LRP12: variants seen among roughly 807,000 people sequenced by gnomAD.
LRP12 encodes low-density lipoprotein receptor-related protein 12.
Under a neutral mutation model 66.0 loss-of-function variants are expected in LRP12, and 14 were observed. The observed-to-expected ratio is 0.21, with a 90% CI of 0.14 to 0.33. LRP12 has a LOEUF of 0.33. Ranked by LOEUF, LRP12 falls within the 10% of genes least tolerant of loss-of-function variation. The pLI is 1.00. For synonymous variants in LRP12, 357 were observed against 359.1 expected, an observed-to-expected ratio of 0.99 and a Z score of 0.07; for missense variants, 889 against 1,053.4, an observed-to-expected ratio of 0.84 and a Z score of 2.16.
In LRP12 at chr8:104,572,861, T is replaced by C. The variant is rs900254017; in HGVS notation, c.79+15958A>G. Among the ~76,000 whole-genome samples the C allele has an allele frequency of 7.2e-5, 11 of 152,142 alleles. 1 individual carries two copies. Among genetic ancestry groups the C allele is most frequent in the Non-Finnish European group, 1.6e-4 (11 of 68,026 alleles). On this transcript the variant is annotated intron_variant, in intron 1 of 6. Transcript: ENST00000276654. ...AAACCTTTAAAAAACATAATTTCTA[T>C]TTATCGTAGCTAGCCCCCTACTTAG...
intron 2 of LRP12, among the ~76,000 whole-genome samples, chr8:104,512,056 C>T (rs1251438982): frequency 6.6e-6 from 1 of 152,142 alleles, no homozygotes; most frequent in East Asian, 1.9e-4. Flanking sequence ...TTCCACTTTA[C>T]TCTGAGTTAT....
At chr8:104,499,830 T>C in intron 3 of LRP12, among the ~76,000 whole-genome samples, 1 of 152,184 alleles carries the variant, frequency 6.6e-6, no homozygotes, top group South Asian at 2.1e-4. Context: ...AAAGACCACT[T>C]CTAACTCAGA....
chr8:104,510,216 A>G (rs1347198938), intron 2 of LRP12, among the ~76,000 whole-genome samples: 2 of 152,208 alleles, frequency 1.3e-5, no homozygotes, highest in African/African-American at 4.8e-5. Context: ...CTGGATTGTA[A>G]TTTTTGTTAA....
intron 3 of LRP12, chr8:104,504,799 T>C (rs2140839127): frequency 6.6e-6 from 1 of 152,318 alleles, no homozygotes; most frequent in East Asian, 1.9e-4. Context: ...CAACTGTGGA[T>C]TGGTCAAATT....
At chr8:104,544,946 C>G (rs977446371) in intron 1 of LRP12, among the ~76,000 whole-genome samples, 1 of 152,166 alleles carries the variant, frequency 6.6e-6, no homozygotes, top group Non-Finnish European at 1.5e-5. Context: ...AGCGAGTCCT[C>G]TGATGGGATC....
chr8:104,552,614 T>C (rs1411030973), intron 1 of LRP12, among the ~76,000 whole-genome samples: 1 of 152,168 alleles, frequency 6.6e-6, no homozygotes, highest in Admixed American at 6.5e-5. Flanking sequence ...TAAAGTACTA[T>C]CTTCCAGTTA....
chr8:104,581,443 C>G (rs1034607686), intron 1 of LRP12, among the ~76,000 whole-genome samples: 1 of 151,614 alleles, frequency 6.6e-6, no homozygotes, highest in Non-Finnish European at 1.5e-5. Context: ...GTACAACAAA[C>G]CCCCATGTAA....
intron 2 of LRP12, among the ~76,000 whole-genome samples, chr8:104,516,603 G>C (rs748937728): frequency 2.6e-5 from 4 of 151,954 alleles, no homozygotes; most frequent in Non-Finnish European, 4.4e-5. Flanking sequence ...AAACACTGAA[G>C]ACTTCTTGTT....
chr8:104,557,359 T>A (rs1811826678), intron 1 of LRP12, among the ~76,000 whole-genome samples: 1 of 152,088 alleles, frequency 6.6e-6, no homozygotes, highest in African/African-American at 2.4e-5. Context: ...GCCAATGATA[T>A]AATCCCATAC....
rs74825708 is a variant in LRP12 at position 104,550,130 on chromosome 8, G to A, written c.80-18167C>T. Among the ~76,000 whole-genome samples, 462 of 152,082 alleles carry A rather than the reference G, an allele frequency of 3.0e-3. 4 individuals are homozygous for A. Among genetic ancestry groups the A allele is most frequent in the East Asian group, 0.02 (102 of 5,164 alleles). ...TTATACTGTGCCAGTCACTGTAGTC[G>A]GTACTTTTCATACATCATTACTAAT... is the stretch of plus-strand genomic sequence containing the variant. On this transcript the variant is annotated intron_variant, in intron 1 of 6. Coordinates refer to ENST00000276654, the MANE Select transcript of LRP12 (RefSeq NM_013437.5).
intron 1 of LRP12, among the ~76,000 whole-genome samples, chr8:104,564,398 G>T (rs1206340350): frequency 2.6e-5 from 4 of 152,096 alleles, no homozygotes; most frequent in Non-Finnish European, 4.4e-5. Context: ...GAAAAGCAAG[G>T]ATCTAGAGGT....
At chr8:104,548,329 TATTATATAAA>T (rs1564142159) in intron 1 of LRP12, among the ~76,000 whole-genome samples, 1 of 9,348 alleles carries the variant, frequency 1.1e-4, no homozygotes, top group African/African-American at 7.5e-4. Context: ...ATATAATATA[TATTATATAAA>T]TATATAAATA....
intron 3 of LRP12, among the ~76,000 whole-genome samples, chr8:104,502,265 C>T (rs566721098): frequency 7.2e-5 from 11 of 152,246 alleles, no homozygotes; most frequent in Middle Eastern, 3.4e-3. Flanking sequence ...GCCCTATACT[C>T]GGTCTCCCCT....
chr8:104,492,069 C>G (rs1013858241), intron 6 of LRP12, among the ~76,000 whole-genome samples: 1 of 151,528 alleles, frequency 6.6e-6, no homozygotes, highest in South Asian at 2.1e-4. Context: ...GGTTCTCAAG[C>G]ATTTGCTGAA....
intron 6 of LRP12, among the ~76,000 whole-genome samples, chr8:104,494,339 G>C (rs1810686484): frequency 6.6e-6 from 1 of 152,106 alleles, no homozygotes; most frequent in South Asian, 2.1e-4. Flanking sequence ...CTCCAATAAG[G>C]TGATAGACTG....
intron 1 of LRP12, among the ~76,000 whole-genome samples, chr8:104,536,712 A>C (rs1215833519): frequency 6.6e-6 from 1 of 152,068 alleles, no homozygotes; most frequent in Non-Finnish European, 1.5e-5. Flanking sequence ...TGGCCACTAT[A>C]GTTACTAATA....
intron 1 of LRP12, among the ~76,000 whole-genome samples, chr8:104,578,132 A>T (rs1034623231): frequency 1.4e-4 from 22 of 151,966 alleles, no homozygotes; most frequent in African/African-American, 5.1e-4. Context: ...TTTTGAAAAA[A>T]TTAATAAAAC....
chr8:104,566,871 A>AATT (rs1812012234), intron 1 of LRP12, among the ~76,000 whole-genome samples: 1 of 152,180 alleles, frequency 6.6e-6, no homozygotes, highest in South Asian at 2.1e-4. Flanking sequence ...TCAAATATAA[A>AATT]ATAGCACAAG....
At chr8:104,539,204 A>G (rs1811429576) in intron 1 of LRP12, among the ~76,000 whole-genome samples, 3 of 152,216 alleles carry the variant, frequency 2.0e-5, no homozygotes, top group African/African-American at 7.2e-5. Flanking sequence ...TGGTTTTATA[A>G]AACTGAGGAA....
Sources: gnomAD v4.1 joint callset for allele counts (sites outside exome capture counted in the v4.1 genomes callset) on GRCh38, gnomAD v4.1.1 for gene constraint, MANE v1.5 for transcripts, NCBI Gene and HGNC (gene_info 2026-07-23, HGNC 2026-07-21) for gene names.